Variants in COQ8A observed in about 807,000 individuals in gnomAD.
COQ8A encodes the protein atypical kinase COQ8A, mitochondrial.
In COQ8A, 51 loss-of-function variants were observed where a neutral mutation model predicts 65.0. The ratio of observed to expected loss-of-function variants is 0.78; its 90% CI spans 0.63 to 0.99. The LOEUF is 0.99. COQ8A is among the 50% of genes least tolerant of loss of function. COQ8A has a pLI of 0.00. For missense variants in COQ8A, 940 were observed against 875.0 expected (o/e 1.07, Z -0.94); for synonymous variants, 371 against 353.2 (o/e 1.05, Z -0.57).
intron 6 of COQ8A, 45 bp downstream of exon 6, chr1:226,982,194 TGG>T: frequency 6.5e-7 from 1 of 1,543,212 alleles, no homozygotes; most frequent in Non-Finnish European, 8.7e-7. Context: ...CGTGGGCTGC[TGG>T]GGGGGTCAAC....
chr1:226,984,310 G>C, intron 11 of COQ8A, 75 bp downstream of exon 11: 1 of 1,598,104 alleles, frequency 6.3e-7, no homozygotes, highest in Non-Finnish European at 8.5e-7. Context: ...AATAGTGTGA[G>C]CTGGGGACTT....
Position 226,965,072 on chromosome 1 carries a change from C to G in COQ8A, c.250C>G (p.Pro84Ala). ...GPEGEFHFSVPHAAGASTDFS... is the reference protein window; with the variant it reads ...GPEGEFHFSVAHAAGASTDFS... ...AGAAGGGGAGTTCCACTTCTCAGTC[C>G]CGCATGCAGCCGGAGCCTCCACAGA... Residue 84 changes from proline (P) to alanine (A), a missense_variant, in exon 3 of 15, where the codon CCG becomes GCG. Physicochemically the swap from Pro to Ala is conservative, Grantham distance 27. Transcript: ENST00000366777. The G allele has an allele frequency of 6.2e-7, 1 of 1,613,992 alleles. No homozygotes were observed. Among genetic ancestry groups the G allele is most frequent in the Admixed American group, 1.7e-5 (1 of 60,024 alleles).
chr1:226,985,003 G>A (rs367846267), intron 13 of COQ8A, 62 bp downstream of exon 13: 4 of 1,586,478 alleles, frequency 2.5e-6, no homozygotes, highest in African/African-American at 1.3e-5. Context: ...AGGATGCTGG[G>A]GGACTCGGGG....
intron 1 of COQ8A, among the ~76,000 whole-genome samples, chr1:226,951,907 A>G (rs1328405435): frequency 1.3e-5 from 2 of 152,194 alleles, no homozygotes; most frequent in Non-Finnish European, 2.9e-5. Flanking sequence ...GTAGGACTGG[A>G]TTTGGCTTGA....
intron 5 of COQ8A, among the ~76,000 whole-genome samples, chr1:226,981,199 G>A (rs1427922273): frequency 6.6e-6 from 1 of 152,202 alleles, no homozygotes; most frequent in Non-Finnish European, 1.5e-5. Context: ...TCAGGCCTCT[G>A]TCTGCCTCTG....
At chr1:226,965,768 C>A in intron 4 of COQ8A, 31 bp downstream of exon 4, 3 of 1,607,944 alleles carry the variant, frequency 1.9e-6, no homozygotes, top group Non-Finnish European at 2.6e-6. Context: ...TGGACTGCCT[C>A]ACCTGCCCTG....
intron 12 of COQ8A, 38 bp from the exon 13 acceptor site, chr1:226,984,838 C>A: frequency 1.2e-6 from 2 of 1,609,196 alleles, no homozygotes; most frequent in Non-Finnish European, 1.7e-6. Context: ...CACCATGGAG[C>A]ACCAGGGCCA....
intron 2 of COQ8A, among the ~76,000 whole-genome samples, chr1:226,964,202 C>T (rs770254148): frequency 3.9e-5 from 6 of 152,188 alleles, no homozygotes; most frequent in East Asian, 1.9e-4. Context: ...CTCTAGAAGC[C>T]GGTGCTGTTC....
intron 5 of COQ8A, 52 bp downstream of exon 5, chr1:226,977,575 G>A: frequency 6.6e-7 from 1 of 1,526,030 alleles, no homozygotes; most frequent in Non-Finnish European, 8.9e-7. Context: ...GGAGGGTTGA[G>A]CCTGTCAGCC....
chr1:226,950,250 C>T (rs2148012500), intron 1 of COQ8A, among the ~76,000 whole-genome samples: 1 of 152,302 alleles, frequency 6.6e-6, no homozygotes, highest in African/African-American at 2.4e-5. Context: ...GGAACTTTGC[C>T]TTCTGCTGCT....
chr1:226,972,465 G>A lies in COQ8A; in HGVS notation c.656-4984G>A, dbSNP rs147881559. ...TTGGGTATCCTATTATTTTTAAAAG[G>A]TAAAAGGTTGGGGGTCCCTTACTCC... On this transcript the variant is annotated intron_variant, in intron 4 of 14. Coordinates refer to ENST00000366777, the MANE Select transcript of COQ8A (RefSeq NM_020247.5). This position sits in a 1 kb window ranked among gnomAD's most constrained non-coding sequence, Gnocchi z 4.3. 4.5e-3 allele frequency among the ~76,000 whole-genome samples: 686 copies of A among 152,254 alleles called. 3 individuals are homozygous for A. The highest frequency in any genetic ancestry group is 0.015 in the African/African-American group (639 of 41,548).
At chr1:226,940,963 T>C (rs1656652752) in intron 1 of COQ8A, among the ~76,000 whole-genome samples, 1 of 152,200 alleles carries the variant, frequency 6.6e-6, no homozygotes, top group East Asian at 1.9e-4. Flanking sequence ...TTTCTTCCTT[T>C]CGCTTTTCTT....
intron 5 of COQ8A, among the ~76,000 whole-genome samples, chr1:226,978,438 CCACA>C (rs1451042732): frequency 1.3e-5 from 2 of 149,902 alleles, no homozygotes; most frequent in Admixed American, 6.6e-5. Flanking sequence ...CACCTCTCAC[CCACA>C]CACCTCCTTA....
chr1:226,954,620 G>A lies in COQ8A; in HGVS notation c.-9-6757G>A, dbSNP rs528851664. ...AGCCTCCTGAGAGGCCCTTGATTCT[G>A]TATGTGGAGTAAAAGTTGCCAGCAA... On this transcript the variant is annotated intron_variant, in intron 1 of 14. Transcript: ENST00000366777. 3.3e-5 allele frequency among the ~76,000 whole-genome samples: 5 copies of A among 152,364 alleles called. No homozygotes were observed. The East Asian group carries it at 9.6e-4, about 29-fold the overall frequency.
chr1:226,960,664 GGTT>G (rs1658193851), intron 1 of COQ8A, among the ~76,000 whole-genome samples: 1 of 150,576 alleles, frequency 6.6e-6, no homozygotes, highest in African/African-American at 2.4e-5. Flanking sequence ...TGGTGGTGGT[GGTT>G]GTTCATTTCT....
chr1:226,947,268 TCAGA>T (rs1237588319), intron 1 of COQ8A, among the ~76,000 whole-genome samples: 2 of 152,118 alleles, frequency 1.3e-5, no homozygotes, highest in African/African-American at 4.8e-5. Flanking sequence ...GGAGCCTGAG[TCAGA>T]CAGGTGTGGA....
rs751843425 is a variant in COQ8A, at chr1:226,985,249, C to T, written c.1573-5C>T. 9 of 1,613,338 alleles carry T rather than the reference C, an allele frequency of 5.6e-6. No homozygotes were observed. The East Asian group carries it at 1.8e-4, about 32-fold the overall frequency. On this transcript the variant is annotated splice_polypyrimidine_tract_variant and splice_region_variant and intron_variant, in intron 13 of 14. Transcript: ENST00000366777. ...CCCACGGTCCCCTCCTGTGCCTCTC[C>T]CCAGATCATCAGGGCTGCTGCCGAC...
intron 5 of COQ8A, among the ~76,000 whole-genome samples, chr1:226,978,495 C>T (rs921103798): frequency 1.4e-5 from 2 of 147,710 alleles, no homozygotes; most frequent in Admixed American, 1.3e-4. Context: ...CCTCCTTACA[C>T]ATCCTCCACA....
rs148938549 is a variant in COQ8A at position 226,972,632 on chromosome 1, A to G, written c.656-4817A>G. Among the ~76,000 whole-genome samples, 829 of 152,290 alleles carry G rather than the reference A, an allele frequency of 5.4e-3. 7 individuals are homozygous for G. Among genetic ancestry groups the G allele is most frequent in the African/African-American group, 0.019 (793 of 41,552 alleles). On this transcript the variant is annotated intron_variant, in intron 4 of 14. Transcript: ENST00000366777. This position sits in a 1 kb window ranked among gnomAD's most constrained non-coding sequence, Gnocchi z 4.3. ...CTTAATTTCCCAAAGATGCCAGTAC[A>G]CTTCGGATACTGTTAATACACCAGC...
Sources: gnomAD v4.1 joint callset for allele counts (sites outside exome capture counted in the v4.1 genomes callset) on GRCh38, gnomAD v4.1.1 for gene constraint, Gnocchi (gnomAD v3.1) non-coding constraint, MANE v1.5 for transcripts, NCBI Gene and HGNC (gene_info 2026-07-23, HGNC 2026-07-21) for gene names.